The following TET2 variants were observed in gnomAD, a reference collection of about 807,000 sequenced individuals.
TET2 encodes methylcytosine dioxygenase TET2.
A neutral mutation model predicts 142.9 loss-of-function variants in TET2; 299 were observed. The observed-to-expected ratio is 2.09, with a 90% CI of 1.90 to 2.30. The LOEUF is 2.30. Among genes scored for constraint, TET2 ranks in the 30% most tolerant of loss-of-function variants. The probability of loss-of-function intolerance (pLI) is 0.00; values close to 1 mark genes in which losing one functional copy is unlikely to be tolerated. For missense variants in TET2, 2,418 were observed against 2,378.0 expected (o/e 1.02, Z -0.35); for synonymous variants, 819 against 849.0 (o/e 0.96, Z 0.61).
In TET2 at chr4:105,272,653, T is replaced by A; in HGVS notation, c.4272T>A (p.Ser1424=). The change falls in exon 10 of 11, where the codon TCT becomes TCA. Residue 1424 remains serine (S), a synonymous_variant. Transcript: ENST00000380013. ...ACGTTCTGCCTTTATACAAAGTCTC[T>A]GACGTGGATGAGTTTGGGAGTGTGG... ...QLHVLPLYKV[S]DVDEFGSVEA... The A allele has an allele frequency of 6.4e-7, 1 of 1,551,730 alleles. No individual in the cohort carries two copies. The highest frequency in any genetic ancestry group is 8.7e-7 in the Non-Finnish European group (1 of 1,146,972).
intron 6 of TET2, among the ~76,000 whole-genome samples, chr4:105,252,164 C>T (rs1244600084): frequency 2.6e-5 from 4 of 152,188 alleles, no homozygotes; most frequent in East Asian, 3.9e-4. Flanking sequence ...CCTTAAAAGT[C>T]CTCTGTACCC....
At chr4:105,267,651 TAAAAC>T (rs956193126) in intron 8 of TET2, among the ~76,000 whole-genome samples, 7 of 145,800 alleles carry the variant, frequency 4.8e-5, no homozygotes, top group Non-Finnish European at 9.1e-5. Flanking sequence ...AATATAAAAA[TAAAAC>T]AAATAGCAAG....
chr4:105,199,188 A>G (rs1369465380), intron 2 of TET2, among the ~76,000 whole-genome samples: 6 of 152,220 alleles, frequency 3.9e-5, no homozygotes, highest in Non-Finnish European at 5.9e-5. Flanking sequence ...TCCCTTAAAT[A>G]TTAAAGTTTG....
chr4:105,237,262 C>CA lies in TET2; in HGVS notation c.3321dup (p.Pro1108ThrfsTer22). The CA allele has an allele frequency of 1.2e-6, 2 of 1,614,124 alleles. No individual in the cohort carries two copies. Among genetic ancestry groups the CA allele is most frequent in the Non-Finnish European group, 1.7e-6 (2 of 1,180,008 alleles). ...TCTGTTCTCAATAATTTTATAGAGT[C>CA]ACCTTCCAAATTACTAGATACTCCT... On this transcript the variant is annotated frameshift_variant, in exon 3 of 11. Coordinates refer to ENST00000380013, the MANE Select transcript of TET2 (RefSeq NM_001127208.3). LOFTEE classifies it high-confidence loss of function.
At position 105,278,524 on chromosome 4, in the gene TET2, T is replaced by A. The variant is rs1731324382; in HGVS notation, c.*2005T>A. The A allele has an allele frequency of 4.3e-6, 1 of 230,570 alleles. No individual in the cohort carries two copies. Among genetic ancestry groups the A allele is most frequent in the African/African-American group, 2.2e-5 (1 of 45,206 alleles). The allele number at this position is 230,570 out of a possible 1,614,324, so 14.3% of individuals were successfully genotyped here. A position where few individuals can be genotyped will look rare whatever the true frequency, so the allele number is the denominator to read the frequency against. ...AGCTCATGCTCTCCCTATGCCAACA[T>A]GTCACCTGTGTTTATGTAAAATTGT... On this transcript the variant is annotated 3_prime_UTR_variant, in exon 11 of 11. Coordinates refer to ENST00000380013, the MANE Select transcript of TET2 (RefSeq NM_001127208.3).
At chr4:105,233,616 G>A (rs1728641058) in intron 2 of TET2, among the ~76,000 whole-genome samples, 2 of 152,180 alleles carry the variant, frequency 1.3e-5, no homozygotes, top group Admixed American at 6.5e-5. Context: ...ATTGATGCTA[G>A]TAACTAAGAG....
At chr4:105,270,749 G>C (rs1368518177) in intron 9 of TET2, among the ~76,000 whole-genome samples, 1 of 151,954 alleles carries the variant, frequency 6.6e-6, no homozygotes, top group Admixed American at 6.6e-5. Context: ...GTAAAGGGGT[G>C]ACCCAGAGTA....
At chr4:105,151,143 G>T (rs962944230) in intron 1 of TET2, among the ~76,000 whole-genome samples, 4 of 150,870 alleles carry the variant, frequency 2.7e-5, no homozygotes, top group Non-Finnish European at 5.9e-5. Flanking sequence ...ACACAGTCAG[G>T]CCCCAGTCTC....
At chr4:105,240,669 C>G (rs944122397) in intron 3 of TET2, 3 of 1,079,918 alleles carry the variant, frequency 2.8e-6, no homozygotes, top group Admixed American at 5.3e-5. Flanking sequence ...AAGTTGTAAT[C>G]GTCTTCACTC....
At chr4:105,183,079 G>A (rs1201408641) in intron 1 of TET2, among the ~76,000 whole-genome samples, 1 of 152,112 alleles carries the variant, frequency 6.6e-6, no homozygotes, top group African/African-American at 2.4e-5. Context: ...TAATGCTATA[G>A]ATTGGAAGCA....
intron 1 of TET2, among the ~76,000 whole-genome samples, chr4:105,163,797 C>T (rs1723975737): frequency 7.6e-6 from 1 of 131,776 alleles, no homozygotes; most frequent in South Asian, 2.5e-4. Flanking sequence ...GTTTGGAGCT[C>T]GAAAGTTTCG....
intron 2 of TET2, among the ~76,000 whole-genome samples, chr4:105,210,269 A>C (rs10033325): frequency 0.088 from 13,438 of 152,158 alleles, 1,729 homozygotes; most frequent in African/African-American, 0.28. Flanking sequence ...TGGGAATAAA[A>C]TAGGTCATTC....
At chr4:105,208,282 A>C (rs1220294606) in intron 2 of TET2, among the ~76,000 whole-genome samples, 7 of 152,062 alleles carry the variant, frequency 4.6e-5, no homozygotes, top group Non-Finnish European at 8.8e-5. Context: ...TACAGTCTCT[A>C]AATTTGTGCT....
chr4:105,165,286 G>C (rs1259413004), intron 1 of TET2, among the ~76,000 whole-genome samples: 8 of 152,294 alleles, frequency 5.3e-5, no homozygotes, highest in African/African-American at 1.9e-4. Context: ...TGAGGCACGA[G>C]AATCACTTGA....
intron 10 of TET2, among the ~76,000 whole-genome samples, chr4:105,274,346 T>C (rs1156525564): frequency 6.6e-6 from 1 of 152,246 alleles, no homozygotes; most frequent in Non-Finnish European, 1.5e-5. Context: ...TAAAGTGTTA[T>C]CTACAACTGT....
At chr4:105,152,416 C>CT (rs924456200) in intron 1 of TET2, among the ~76,000 whole-genome samples, 2 of 151,954 alleles carry the variant, frequency 1.3e-5, no homozygotes, top group East Asian at 3.8e-4. Flanking sequence ...AATTACATTT[C>CT]TTTTTTGTCT....
At chr4:105,273,908 T>C (rs1031924046) in intron 10 of TET2, among the ~76,000 whole-genome samples, 1 of 152,016 alleles carries the variant, frequency 6.6e-6, no homozygotes, top group Non-Finnish European at 1.5e-5. Context: ...CTGCAGTTTG[T>C]AAAAAGAAAA....
intron 2 of TET2, among the ~76,000 whole-genome samples, chr4:105,198,353 A>G (rs1035168209): frequency 6.6e-6 from 1 of 152,194 alleles, no homozygotes. Context: ...TAAATAAATA[A>G]ATAAAATACA....
intron 6 of TET2, among the ~76,000 whole-genome samples, chr4:105,256,166 CAT>C (rs1157301348): frequency 6.6e-6 from 1 of 152,004 alleles, no homozygotes; most frequent in Non-Finnish European, 1.5e-5. Flanking sequence ...CAAAAAAATA[CAT>C]ATATGATTTC....
Sources: allele counts gnomAD v4.1 joint callset (sites outside exome capture counted in the v4.1 genomes callset), GRCh38; gene constraint gnomAD v4.1.1; transcripts MANE v1.5; gene names NCBI Gene and HGNC (gene_info 2026-07-23, HGNC 2026-07-21).